Variants in DGKB observed in about 807,000 individuals in gnomAD.
The protein encoded by DGKB is diacylglycerol kinase beta, also known as 90 kDa diacylglycerol kinase.
A neutral mutation model predicts 114.3 loss-of-function variants in DGKB; 67 were observed. The observed-to-expected ratio is 0.59, with a 90% CI of 0.48 to 0.72. The LOEUF (loss-of-function observed/expected upper bound fraction) is 0.72. Among genes scored for constraint, DGKB ranks in the 30% least tolerant of loss-of-function variants. DGKB has a pLI of 0.00. For synonymous variants in DGKB, 398 were observed against 323.1 expected (o/e 1.23, Z -2.49); for missense variants, 907 against 975.2 (o/e 0.93, Z 0.93).
chr7:14,776,264 C>T (rs6943871), intron 2 of DGKB, among the ~76,000 whole-genome samples: 4,132 of 152,084 alleles, frequency 0.027, 157 homozygotes, highest in African/African-American at 0.088. Flanking sequence ...CCTGATGATG[C>T]GATAAAAAAA....
chr7:14,177,459 G>C (rs189344931), intron 24 of DGKB, among the ~76,000 whole-genome samples: 48 of 149,856 alleles, frequency 3.2e-4, no homozygotes, highest in Admixed American at 8.8e-4. Context: ...GGGAGGATGA[G>C]GCAGAAGAAT....
At chr7:14,726,867 C>T (rs1830105355) in intron 5 of DGKB, among the ~76,000 whole-genome samples, 1 of 152,072 alleles carries the variant, frequency 6.6e-6, no homozygotes. Context: ...AAACCAGACC[C>T]CAGGTACTGA....
At chr7:14,347,296 A>G (rs1396755560) in intron 21 of DGKB, among the ~76,000 whole-genome samples, 1 of 152,036 alleles carries the variant, frequency 6.6e-6, no homozygotes, top group African/African-American at 2.4e-5. Flanking sequence ...GATAACAAGC[A>G]CTGGCAAGGG....
rs369934623 is a variant in DGKB at position 14,418,371 on chromosome 7, GTATATA to G, written c.1835+59784_1835+59789del. Among the ~76,000 whole-genome samples, 10 of 129,912 alleles carry G rather than the reference GTATATA, an allele frequency of 7.7e-5. No homozygotes were observed. In the South Asian group the frequency reaches 1.6e-3, roughly 21 times the overall value. The allele number at this position is 129,912 out of a possible 152,430, so 85.2% of individuals were successfully genotyped here. ...TATATTCACATATATATGTGTGTGTGTATATATATATATATATATATACACACACAC... is the reference window on the plus strand; with the variant it reads ...TATATTCACATATATATGTGTGTGTGTATATATATATATATACACACACAC... On this transcript the variant is annotated intron_variant, in intron 21 of 25. Transcript: ENST00000402815.
At chr7:14,647,686 T>C (rs189101003) in intron 13 of DGKB, among the ~76,000 whole-genome samples, 2 of 152,196 alleles carry the variant, frequency 1.3e-5, no homozygotes, top group Admixed American at 6.5e-5. Context: ...GCTCCCAGCA[T>C]GAACGACGCA....
intron 2 of DGKB, among the ~76,000 whole-genome samples, chr7:14,803,180 G>C (rs145437015): frequency 2.0e-5 from 3 of 151,834 alleles, no homozygotes; most frequent in East Asian, 1.9e-4. Context: ...GGCCTCAAGC[G>C]ATCCTCCTGC....
chr7:14,949,242 A>G (rs40628), intron 1 of DGKB, among the ~76,000 whole-genome samples: 85,222 of 151,818 alleles, frequency 0.56, 26,420 homozygotes, highest in East Asian at 0.88. Context: ...TAAGATGCTA[A>G]TTTACACTCA....
At chr7:14,767,861 G>T (rs1836701147) in intron 2 of DGKB, among the ~76,000 whole-genome samples, 1 of 151,868 alleles carries the variant, frequency 6.6e-6, no homozygotes. Flanking sequence ...TTTTTTTTAA[G>T]TTCTTATGTG....
intron 21 of DGKB, among the ~76,000 whole-genome samples, chr7:14,350,646 T>C (rs1813275635): frequency 6.6e-6 from 1 of 151,548 alleles, no homozygotes; most frequent in Non-Finnish European, 1.5e-5. Flanking sequence ...TTCATGTATT[T>C]AGTGGGGATT....
chr7:14,496,199 A>G (rs1370591657), intron 20 of DGKB, among the ~76,000 whole-genome samples: 7 of 151,980 alleles, frequency 4.6e-5, no homozygotes, highest in Middle Eastern at 6.8e-3. Context: ...AAACATGTGC[A>G]TAAGATTTGT....
At chr7:14,278,770 G>T (rs115793607) in intron 23 of DGKB, among the ~76,000 whole-genome samples, 1 of 151,904 alleles carries the variant, frequency 6.6e-6, no homozygotes, top group African/African-American at 2.4e-5. Context: ...ATAATAATGA[G>T]AATAATAATA....
chr7:14,263,541 AAATCCTGCATATCTGTTAGG>A (rs1291386224), intron 23 of DGKB, among the ~76,000 whole-genome samples: 4 of 152,158 alleles, frequency 2.6e-5, no homozygotes, highest in African/African-American at 4.8e-5. Flanking sequence ...ATGCATGGCT[AAATCCTGCATATCTGTTAGG>A]AATCAGTTCA....
At chr7:14,465,726 C>T (rs1177748119) in intron 21 of DGKB, among the ~76,000 whole-genome samples, 2 of 151,990 alleles carry the variant, frequency 1.3e-5, no homozygotes, top group African/African-American at 2.4e-5. Flanking sequence ...AGCCAGGGAG[C>T]CCTAACTAGC....
At chr7:14,691,791 G>T (rs6964581) in intron 9 of DGKB, among the ~76,000 whole-genome samples, 1 of 151,502 alleles carries the variant, frequency 6.6e-6, no homozygotes, top group Non-Finnish European at 1.5e-5. Flanking sequence ...GTGGTCTCTT[G>T]AGATTAAATA....
intron 17 of DGKB, among the ~76,000 whole-genome samples, chr7:14,596,554 A>T (rs909040502): frequency 6.6e-6 from 1 of 152,164 alleles, no homozygotes; most frequent in African/African-American, 2.4e-5. Flanking sequence ...ACACAAAAAT[A>T]TCCATGAACC....
intron 1 of DGKB, among the ~76,000 whole-genome samples, chr7:14,926,074 T>A (rs780029611): frequency 6.6e-6 from 1 of 152,146 alleles, no homozygotes; most frequent in Non-Finnish European, 1.5e-5. Flanking sequence ...AATCCTATAA[T>A]CCTAGTTTGC....
intron 1 of DGKB, among the ~76,000 whole-genome samples, chr7:14,856,642 G>C (rs1156367468): frequency 6.6e-6 from 1 of 150,502 alleles, no homozygotes; most frequent in Non-Finnish European, 1.5e-5. Flanking sequence ...CTGCTGTAGA[G>C]TAAAAGTATT....
intron 1 of DGKB, among the ~76,000 whole-genome samples, chr7:14,880,289 C>T (rs529420298): frequency 1.3e-5 from 2 of 152,224 alleles, no homozygotes; most frequent in East Asian, 3.9e-4. Context: ...GAAACCCTGT[C>T]TCTACTAAAA....
chr7:14,907,566 C>T (rs1217951983), upstream of DGKB, among the ~76,000 whole-genome samples: 1 of 152,220 alleles, frequency 6.6e-6, no homozygotes, highest in African/African-American at 2.4e-5. Context: ...AACACACACA[C>T]ATGTGCACAG....
Sources: allele counts gnomAD v4.1 joint callset (sites outside exome capture counted in the v4.1 genomes callset), GRCh38; gene constraint gnomAD v4.1.1; transcripts MANE v1.5; gene names NCBI Gene and HGNC (gene_info 2026-07-23, HGNC 2026-07-21).